Variants in PPP2R3B observed in about 807,000 individuals in gnomAD.
The protein encoded by PPP2R3B is serine/threonine-protein phosphatase 2A regulatory subunit B'' subunit beta.
In PPP2R3B, 68 loss-of-function variants were observed where a neutral mutation model predicts 72.9. That is an observed-to-expected ratio of 0.93 (90% CI 0.77 to 1.14). The LOEUF is 1.14. Ranked by LOEUF, PPP2R3B falls within the 50% of genes most tolerant of loss-of-function variation. PPP2R3B has a pLI of 0.00. For synonymous variants in PPP2R3B, 466 were observed against 375.8 expected (o/e 1.24, Z -2.78); for missense variants, 1,018 against 842.0 (o/e 1.21, Z -2.59).
In PPP2R3B at chrX:345,690, C is replaced by A. The variant is rs750870898; in HGVS notation, c.880-18G>T. The A allele has an allele frequency of 2.0e-6, 3 of 1,498,386 alleles. No homozygotes were observed. Among genetic ancestry groups the A allele is most frequent in the South Asian group, 1.1e-5 (1 of 89,582 alleles). 92.8% of individuals were successfully genotyped at this position (1,498,386 alleles called of 1,614,324 possible). On this transcript the variant is annotated intron_variant, in intron 6 of 12. Coordinates refer to ENST00000390665, the MANE Select transcript of PPP2R3B (RefSeq NM_013239.5). ...GCCACATTCTGCCAAAGGACCCAGGCGGCCTGAGCGCGGGGCCTCTGCGGG... is the reference window on the plus strand; with the variant it reads ...GCCACATTCTGCCAAAGGACCCAGGAGGCCTGAGCGCGGGGCCTCTGCGGG...
chrX:356,315 A>G (rs2071433777), intron 2 of PPP2R3B, among the ~76,000 whole-genome samples: 1 of 152,184 alleles, frequency 6.6e-6, no homozygotes, highest in Non-Finnish European at 1.5e-5. Flanking sequence ...TCCCAGGTTC[A>G]AGCGATTTTC....
chrX:342,985 C>G (rs1293791049), intron 7 of PPP2R3B, among the ~76,000 whole-genome samples: 2 of 6,298 alleles, frequency 3.2e-4, no homozygotes, highest in South Asian at 8.2e-3. Context: ...TGAGACCTCG[C>G]CAACGGGAGG....
Position 344,332 on chromosome X carries a change from C to T in PPP2R3B, c.1036+1184G>A, listed in dbSNP as rs1445151647. Among the ~76,000 whole-genome samples, 7 of 151,534 alleles carry T rather than the reference C, an allele frequency of 4.6e-5. 1 individual carries two copies. The highest frequency in any genetic ancestry group is 1.7e-4 in the African/African-American group (7 of 41,302). ...CACCAACGGGAGGCGGGAGGGAGAC[C>T]TCACCAACGGGAGGCAGGAGTGAAA... On this transcript the variant is annotated intron_variant, in intron 7 of 12. Transcript: ENST00000390665.
chrX:334,879 C>T, intron 12 of PPP2R3B: 1 of 234,268 alleles, frequency 4.3e-6, no homozygotes, highest in Non-Finnish European at 8.2e-6. Flanking sequence ...CAAACAGGAC[C>T]ACAGTTTAGA....
In PPP2R3B at chrX:347,831, G is replaced by A. The variant is rs145176696; in HGVS notation, c.511-138C>T. 9.5e-4 allele frequency: 582 copies of A among 615,014 alleles called. 4 individuals carry two copies. In the East Asian group the frequency reaches 0.014, roughly 15 times the overall value. 38.1% of individuals were successfully genotyped at this position (615,014 alleles called of 1,614,324 possible). Reference sequence around the variant, plus strand: ...ACAGCACGCTCAGCGCGGCCTGTCTGGGCATCTGCAAACTCAACGTGGCTT... The same window carrying A: ...ACAGCACGCTCAGCGCGGCCTGTCTAGGCATCTGCAAACTCAACGTGGCTT... On this transcript the variant is annotated intron_variant, in intron 2 of 12. Coordinates refer to ENST00000390665, the MANE Select transcript of PPP2R3B (RefSeq NM_013239.5).
At chrX:379,304 G>A (rs1177236573) in intron 1 of PPP2R3B, among the ~76,000 whole-genome samples, 1 of 147,222 alleles carries the variant, frequency 6.8e-6, no homozygotes, top group African/African-American at 2.6e-5. Flanking sequence ...TGTGTGTATG[G>A]ACCTATGTAT....
At chrX:347,888 G>A (rs2071256844) in intron 2 of PPP2R3B, 195 bp from the exon 3 acceptor site, 1 of 558,682 alleles carries the variant, frequency 1.8e-6, no homozygotes, top group Admixed American at 3.6e-5. Flanking sequence ...CATGAGAGCT[G>A]AGCGTGGGAG....
chrX:334,317 G>T lies in PPP2R3B; in HGVS notation c.*50C>A. 7.0e-7 allele frequency: 1 copy of T among 1,432,034 alleles called. No individual in the cohort carries two copies. Among genetic ancestry groups the T allele is most frequent in the Non-Finnish European group, 9.1e-7 (1 of 1,097,544 alleles). 88.7% of individuals were successfully genotyped at this position (1,432,034 alleles called of 1,614,324 possible). A position where few individuals can be genotyped will look rare whatever the true frequency, so the allele number is the denominator to read the frequency against. ...GTTTTTACACGAGCCGCGGTGGCCC[G>T]GTGGTGGCACGTGGGGAGCGGCCCC... On this transcript the variant is annotated 3_prime_UTR_variant, in exon 13 of 13. Coordinates refer to ENST00000390665, the MANE Select transcript of PPP2R3B (RefSeq NM_013239.5).
rs374020254 is a variant in PPP2R3B at position 347,373 on chromosome X, G to A, written c.615-37C>T. 1.9e-6 allele frequency: 3 copies of A among 1,600,390 alleles called. No homozygotes were observed. In the East Asian group the frequency reaches 6.7e-5, roughly 36 times the overall value. On this transcript the variant is annotated intron_variant, in intron 3 of 12. Coordinates refer to ENST00000390665, the MANE Select transcript of PPP2R3B (RefSeq NM_013239.5). ...GGATGACTGGGCACCACCCTCACAGGGGGGTGGCTTTCGACCCCGCAGACG... is the reference window on the plus strand; with the variant it reads ...GGATGACTGGGCACCACCCTCACAGAGGGGTGGCTTTCGACCCCGCAGACG...
At position 345,748 on chromosome X, in the gene PPP2R3B, C is replaced by G. The variant is rs1480484721; in HGVS notation, c.880-76G>C. ...CAAGTCCGCCTGGCTGCGGGCGGGG[C>G]AGGGAAGGCTGGGAGGGTCGGGGCC... On this transcript the variant is annotated intron_variant, in intron 6 of 12. Coordinates refer to ENST00000390665, the MANE Select transcript of PPP2R3B (RefSeq NM_013239.5). 7 of 1,359,436 alleles carry G rather than the reference C, an allele frequency of 5.1e-6. No individual in the cohort carries two copies. The Admixed American group carries it at 1.4e-4, about 27-fold the overall frequency. The allele number at this position is 1,359,436 out of a possible 1,614,324, so 84.2% of individuals were successfully genotyped here.
intron 1 of PPP2R3B, among the ~76,000 whole-genome samples, chrX:380,922 T>C (rs1402028245): frequency 6.6e-6 from 1 of 151,370 alleles, no homozygotes; most frequent in Non-Finnish European, 1.5e-5. Flanking sequence ...AGCCCATCGA[T>C]ACTGGCGTTT....
chrX:358,988 CG>C (rs2071491386), intron 2 of PPP2R3B, among the ~76,000 whole-genome samples: 1 of 108,442 alleles, frequency 9.2e-6, no homozygotes, highest in African/African-American at 3.6e-5. Flanking sequence ...GCACCGCGGC[CG>C]GGGAGGGGCA....
At chrX:361,289 G>T in intron 2 of PPP2R3B, 116 bp downstream of exon 2, 1 of 1,188,696 alleles carries the variant, frequency 8.4e-7, no homozygotes, top group Non-Finnish European at 1.2e-6. Context: ...CACCCTCCTC[G>T]GCCGTGCCGC....
At chrX:360,308 C>T (rs1223598108) in intron 2 of PPP2R3B, among the ~76,000 whole-genome samples, 7 of 152,086 alleles carry the variant, frequency 4.6e-5, no homozygotes, top group South Asian at 4.1e-4. Context: ...CCGAGGCAGG[C>T]GGATCACTTG....
At position 334,323 on chromosome X, in the gene PPP2R3B, GGCACGTGGGGA is replaced by G. The variant is rs747119838; in HGVS notation, c.*33_*43del. On this transcript the variant is annotated 3_prime_UTR_variant, in exon 13 of 13. Coordinates refer to ENST00000390665, the MANE Select transcript of PPP2R3B (RefSeq NM_013239.5). The stretch of plus-strand genomic sequence containing the variant: ...ACACGAGCCGCGGTGGCCCGGTGGT[GGCACGTGGGGA>G]GCGGCCCCGCGGCGGCGTTCTCGCG... 7.6e-6 allele frequency: 11 copies of G among 1,438,936 alleles called. No homozygotes were observed. In the African/African-American group the frequency reaches 1.0e-4, roughly 14 times the overall value. 89.1% of individuals were successfully genotyped at this position (1,438,936 alleles called of 1,614,324 possible).
At chrX:355,823 C>CT (rs1569396864) in intron 2 of PPP2R3B, among the ~76,000 whole-genome samples, 6 of 152,178 alleles carry the variant, frequency 3.9e-5, no homozygotes, top group African/African-American at 1.4e-4. Context: ...AGGGCAGGTG[C>CT]GCGTCAGAAA....
intron 2 of PPP2R3B, chrX:359,718 A>G (rs1253250179): frequency 2.5e-6 from 1 of 392,462 alleles, no homozygotes; most frequent in Admixed American, 3.1e-5. Flanking sequence ...CAGCATGCTA[A>G]TTTTTCTCTA....
In PPP2R3B at chrX:347,188, C is replaced by T. The variant is rs371033392; in HGVS notation, c.717+46G>A. 22 of 1,093,306 alleles carry T rather than the reference C, an allele frequency of 2.0e-5. No homozygotes were observed. In the African/African-American group the frequency reaches 3.5e-4, roughly 17 times the overall value. The allele number at this position is 1,093,306 out of a possible 1,614,324, so 67.7% of individuals were successfully genotyped here. On this transcript the variant is annotated intron_variant, in intron 4 of 12. Transcript: ENST00000390665. ...ATGAGGCATGCGGTGTAGACGCGGG[C>T]CCTCCCGTGAAGGATAAGGCCTGTG...
At position 341,906 on chromosome X, in the gene PPP2R3B, CCTGT is replaced by C. The variant is rs2071087416; in HGVS notation, c.1058_1061del (p.Asp353GlyfsTer28). On this transcript the variant is annotated frameshift_variant, in exon 8 of 13. Transcript: ENST00000390665. LOFTEE classifies it high-confidence loss of function. ...ACCGTGTGACTGCTCCTGAGAAGAT[CCTGT>C]CTATCATCTTGGTAGAAAGGGCTGG... The C allele has an allele frequency of 4.3e-6, 7 of 1,612,720 alleles. No homozygotes were observed. The highest frequency in any genetic ancestry group is 1.1e-5 in the South Asian group (1 of 91,084).
Sources: gnomAD v4.1 joint callset for allele counts (sites outside exome capture counted in the v4.1 genomes callset) on GRCh38, gnomAD v4.1.1 for gene constraint, MANE v1.5 for transcripts, NCBI Gene and HGNC (gene_info 2026-07-23, HGNC 2026-07-21) for gene names.